Variants in PCDHGA11 observed in about 807,000 individuals in gnomAD.
PCDHGA11 encodes protocadherin gamma-A11.
In PCDHGA11, 39 loss-of-function variants were observed where a neutral mutation model predicts 60.4. The ratio of observed to expected loss-of-function variants is 0.65; its 90% CI spans 0.50 to 0.84. The LOEUF (loss-of-function observed/expected upper bound fraction) is 0.84, where lower values mean the gene tolerates loss of function less well. PCDHGA11 is among the 40% of genes least tolerant of loss of function. PCDHGA11 has a pLI of 0.00. For synonymous variants in PCDHGA11, 533 were observed against 510.3 expected (o/e 1.04, Z -0.60); for missense variants, 1,165 against 1,197.7 (o/e 0.97, Z 0.40).
intron 1 of PCDHGA11, among the ~76,000 whole-genome samples, chr5:141,454,989 T>C (rs1460420144): frequency 6.6e-6 from 1 of 151,506 alleles, no homozygotes; most frequent in East Asian, 2.0e-4. Context: ...TTAAAAAATA[T>C]TTTTAGTAGA....
intron 1 of PCDHGA11, among the ~76,000 whole-genome samples, chr5:141,454,268 G>A (rs2098785692): frequency 6.6e-6 from 1 of 152,126 alleles, no homozygotes; most frequent in African/African-American, 2.4e-5. Context: ...AGTAATGCCA[G>A]CAAAAACTTC....
intron 3 of PCDHGA11, among the ~76,000 whole-genome samples, chr5:141,505,942 G>A (rs2099849309): frequency 6.6e-6 from 1 of 152,192 alleles, no homozygotes; most frequent in African/African-American, 2.4e-5. Flanking sequence ...AAGCCCTCAA[G>A]CAATGAAAGT....
At chr5:141,453,071 C>G (rs561248978) in intron 1 of PCDHGA11, among the ~76,000 whole-genome samples, 13 of 152,150 alleles carry the variant, frequency 8.5e-5, no homozygotes, top group South Asian at 2.1e-4. Flanking sequence ...TTTTGCCACA[C>G]TCTGGTTGAT....
intron 1 of PCDHGA11, among the ~76,000 whole-genome samples, chr5:141,460,961 A>ATATGTGTGTGTG (rs1463306338): frequency 4.1e-5 from 6 of 144,616 alleles, no homozygotes; most frequent in Admixed American, 1.4e-4. Flanking sequence ...GTATATATAT[A>ATATGTGTGTGTG]TGTGTGTGTG....
chr5:141,456,715 A>G (rs2098881350), intron 1 of PCDHGA11, among the ~76,000 whole-genome samples: 1 of 152,204 alleles, frequency 6.6e-6, no homozygotes, highest in South Asian at 2.1e-4. Flanking sequence ...CTGTAATCCC[A>G]GCACTTTGGG....
rs571838248 is a variant in PCDHGA11, at chr5:141,421,848, T to C, written c.621T>C (p.Ala207=). ...LEGSLDREKE[A]AHLLLLTALD... Reference sequence around the variant, plus strand: ...GAAGCCTGGACCGAGAGAAAGAGGCTGCTCACCTGCTCCTCCTCACAGCTT... The same window carrying C: ...GAAGCCTGGACCGAGAGAAAGAGGCCGCTCACCTGCTCCTCCTCACAGCTT... Residue 207 remains alanine (A), a synonymous_variant, in exon 1 of 4, where the codon GCT becomes GCC. Transcript: ENST00000398587. 4.9e-5 allele frequency: 79 copies of C among 1,613,634 alleles called. No individual in the cohort carries two copies. Among genetic ancestry groups the C allele is most frequent in the Non-Finnish European group, 6.0e-5 (71 of 1,179,898 alleles).
rs1317699369 is a variant in PCDHGA11 at position 141,477,408 on chromosome 5, A to G, written c.2434-17399A>G. The G allele has an allele frequency of 6.2e-7, 1 of 1,614,098 alleles. No homozygotes were observed. ...TACAACCTCAGCATCACCGCCCGAG[A>G]CGCCGGAACCCCTTCCCTCTCAGCC... On this transcript the variant is annotated intron_variant, in intron 1 of 3. Transcript: ENST00000398587. This position sits in a 1 kb window ranked among gnomAD's most constrained non-coding sequence, Gnocchi z 4.9.
At position 141,485,314 on chromosome 5, in the gene PCDHGA11, T is replaced by A. The variant is rs1292296791; in HGVS notation, c.2434-9493T>A. The A allele has an allele frequency of 1.2e-6, 2 of 1,614,150 alleles. No homozygotes were observed. The highest frequency in any genetic ancestry group is 1.7e-6 in the Non-Finnish European group (2 of 1,180,032). ...CACAGGAAGGGACTTTTGTAGGGAA[T>A]GTCGCTCAAGATTTCCTGCTGGATA... On this transcript the variant is annotated intron_variant, in intron 1 of 3. Coordinates refer to ENST00000398587, the MANE Select transcript of PCDHGA11 (RefSeq NM_018914.3). This position sits in a 1 kb window ranked among gnomAD's most constrained non-coding sequence, Gnocchi z 5.7.
chr5:141,482,041 T>C (rs1443886481), intron 1 of PCDHGA11, among the ~76,000 whole-genome samples: 2 of 150,190 alleles, frequency 1.3e-5, no homozygotes, highest in Non-Finnish European at 2.9e-5. Context: ...GCCAAGATCA[T>C]GCTGTTGCAT....
chr5:141,477,504 A>T lies in PCDHGA11; in HGVS notation c.2434-17303A>T, dbSNP rs1396003792. Reference sequence around the variant, plus strand: ...CCACAATCTTCTCAATCTTCCTACGACGTTTACATTGAAGAAAACAACCTC... The same window carrying T: ...CCACAATCTTCTCAATCTTCCTACGTCGTTTACATTGAAGAAAACAACCTC... On this transcript the variant is annotated intron_variant, in intron 1 of 3. Coordinates refer to ENST00000398587, the MANE Select transcript of PCDHGA11 (RefSeq NM_018914.3). This position sits in a 1 kb window ranked among gnomAD's most constrained non-coding sequence, Gnocchi z 4.9. The T allele has an allele frequency of 4.3e-6, 7 of 1,613,982 alleles. No homozygotes were observed. In the Admixed American group the frequency reaches 8.3e-5, roughly 19 times the overall value.
Position 141,433,362 on chromosome 5 carries a change from T to G in PCDHGA11, c.2433+9702T>G, listed in dbSNP as rs1285511534. ...GTGCAAGCCACCTACTGTCTGCCTA[T>G]CTATCTATCTATCTATCTATCTATC... On this transcript the variant is annotated intron_variant, in intron 1 of 3. Transcript: ENST00000398587. 4 of 299,814 alleles carry G rather than the reference T, an allele frequency of 1.3e-5. No individual in the cohort carries two copies. In the East Asian group the frequency reaches 1.8e-4, roughly 14 times the overall value. 18.6% of individuals were successfully genotyped at this position (299,814 alleles called of 1,614,324 possible). A position where few individuals can be genotyped will look rare whatever the true frequency, so the allele number is the denominator to read the frequency against.
rs773942024 is a variant in PCDHGA11, at chr5:141,433,234, C to G, written c.2433+9574C>G. 3.3e-6 allele frequency: 5 copies of G among 1,512,860 alleles called. No homozygotes were observed. In the South Asian group the frequency reaches 5.0e-5, roughly 15 times the overall value. The allele number at this position is 1,512,860 out of a possible 1,614,324, so 93.7% of individuals were successfully genotyped here. A position where few individuals can be genotyped will look rare whatever the true frequency, so the allele number is the denominator to read the frequency against. On this transcript the variant is annotated intron_variant, in intron 1 of 3. Coordinates refer to ENST00000398587, the MANE Select transcript of PCDHGA11 (RefSeq NM_018914.3). ...TTTTTTTTTTTTAATTGCTCTGTCT[C>G]CCAAGCTGGAATGCAGCGGTACGAT...
At chr5:141,482,457 C>T (rs1279922250) in intron 1 of PCDHGA11, among the ~76,000 whole-genome samples, 3 of 147,484 alleles carry the variant, frequency 2.0e-5, no homozygotes, top group Non-Finnish European at 3.0e-5. Context: ...TATTAGCATC[C>T]CTATGTGCCA....
chr5:141,474,961 AATC>A (rs2099357151), intron 1 of PCDHGA11, among the ~76,000 whole-genome samples: 1 of 152,254 alleles, frequency 6.6e-6, no homozygotes, highest in African/African-American at 2.4e-5. Flanking sequence ...TCACTATCCT[AATC>A]ATTATAATTT....
Position 141,490,693 on chromosome 5 carries a change from G to C in PCDHGA11, c.2434-4114G>C. 2 of 1,614,170 alleles carry C rather than the reference G, an allele frequency of 1.2e-6. No homozygotes were observed. Among genetic ancestry groups the C allele is most frequent in the Non-Finnish European group, 1.7e-6 (2 of 1,180,018 alleles). ...GGCTGCCTCAGATCCAGACACTGGG[G>C]ATAATGCCCGCCTCACCTACTCCAT... is the stretch of plus-strand genomic sequence containing the variant. On this transcript the variant is annotated intron_variant, in intron 1 of 3. Coordinates refer to ENST00000398587, the MANE Select transcript of PCDHGA11 (RefSeq NM_018914.3). This position sits in a 1 kb window ranked among gnomAD's most constrained non-coding sequence, Gnocchi z 5.4.
chr5:141,441,923 C>A, intron 1 of PCDHGA11: 2 of 351,136 alleles, frequency 5.7e-6, no homozygotes, highest in Non-Finnish European at 5.5e-6. Context: ...AGACACAATG[C>A]GTGGCTGTCC....
chr5:141,439,904 C>T (rs1175032042), intron 1 of PCDHGA11: 2 of 152,364 alleles, frequency 1.3e-5, no homozygotes, highest in East Asian at 1.9e-4. Context: ...GCGACTACTG[C>T]CTCCTTTCCT....
chr5:141,425,844 G>C (rs985746948), intron 1 of PCDHGA11, among the ~76,000 whole-genome samples: 1 of 152,104 alleles, frequency 6.6e-6, no homozygotes, highest in Admixed American at 6.6e-5. Flanking sequence ...CTCTTTGCTG[G>C]GTTAATGACT....
At chr5:141,434,609 G>A (rs189866750) in intron 1 of PCDHGA11, among the ~76,000 whole-genome samples, 11 of 152,064 alleles carry the variant, frequency 7.2e-5, no homozygotes, top group Non-Finnish European at 1.3e-4. Context: ...CTTTATTTCC[G>A]CCCATCTCTT....
Sources: gnomAD v4.1 joint callset for allele counts (sites outside exome capture counted in the v4.1 genomes callset) on GRCh38, gnomAD v4.1.1 for gene constraint, Gnocchi (gnomAD v3.1) non-coding constraint, MANE v1.5 for transcripts, NCBI Gene and HGNC (gene_info 2026-07-23, HGNC 2026-07-21) for gene names.